RBFOX1: variants seen among roughly 807,000 people sequenced by gnomAD.
RBFOX1 encodes RNA binding fox-1 homolog 1.
In RBFOX1, 8 loss-of-function variants were observed where a neutral mutation model predicts 57.7. The ratio of observed to expected loss-of-function variants is 0.14; its 90% CI spans 0.08 to 0.25. The LOEUF (loss-of-function observed/expected upper bound fraction) is 0.25, where lower values mean the gene tolerates loss of function less well. RBFOX1 is among the 10% of genes least tolerant of loss of function. RBFOX1 has a pLI of 1.00. For missense variants in RBFOX1, 611 were observed against 548.5 expected (o/e 1.11, Z -1.14); for synonymous variants, 326 against 222.4 (o/e 1.47, Z -4.15).
chr16:7,115,673 G>A (rs1007937374), intron 4 of RBFOX1, among the ~76,000 whole-genome samples: 1 of 152,210 alleles, frequency 6.6e-6, no homozygotes, highest in African/African-American at 2.4e-5. Context: ...GAGAATGAAA[G>A]AGGGGACACC....
intron 2 of RBFOX1, among the ~76,000 whole-genome samples, chr16:6,347,324 G>T (rs2085537902): frequency 6.6e-6 from 1 of 152,102 alleles, no homozygotes; most frequent in South Asian, 2.1e-4. Flanking sequence ...CTCTTTACTG[G>T]GGGCTTCATG....
At chr16:5,308,478 C>G (rs1222825415) in intron 1 of RBFOX1, among the ~76,000 whole-genome samples, 1 of 152,164 alleles carries the variant, frequency 6.6e-6, no homozygotes, top group Non-Finnish European at 1.5e-5. Context: ...CTTGACTGAT[C>G]TGACTGATCA....
chr16:6,411,120 G>C (rs553657966), intron 2 of RBFOX1, among the ~76,000 whole-genome samples: 1 of 152,250 alleles, frequency 6.6e-6, no homozygotes, highest in Admixed American at 6.5e-5. Context: ...TGGGAATACA[G>C]GTGCAACCCA....
intron 3 of RBFOX1, chr16:6,705,249 C>CA (rs2062523391): frequency 6.6e-6 from 1 of 152,138 alleles, no homozygotes; most frequent in African/African-American, 2.4e-5. Context: ...ACTGCAACTC[C>CA]AGTGAGGTTA....
At chr16:7,405,122 C>G (rs2098316198) in intron 4 of RBFOX1, among the ~76,000 whole-genome samples, 1 of 152,198 alleles carries the variant, frequency 6.6e-6, no homozygotes, top group South Asian at 2.1e-4. Context: ...CTGGGCCCAT[C>G]CTAGAGAAAA....
At chr16:6,611,604 C>G (rs988390572) in intron 2 of RBFOX1, among the ~76,000 whole-genome samples, 1 of 152,196 alleles carries the variant, frequency 6.6e-6, no homozygotes, top group Non-Finnish European at 1.5e-5. Context: ...CCGTGTTCCG[C>G]TGTTCAAGGA....
chr16:7,086,221 G>T (rs754291284), intron 4 of RBFOX1, among the ~76,000 whole-genome samples: 2 of 152,040 alleles, frequency 1.3e-5, no homozygotes, highest in African/African-American at 4.8e-5. Context: ...AATTGTTTAG[G>T]TTGACATTTT....
intron 1 of RBFOX1, among the ~76,000 whole-genome samples, chr16:6,271,061 A>G (rs1004133892): frequency 2.0e-5 from 3 of 152,238 alleles, no homozygotes; most frequent in South Asian, 2.1e-4. Context: ...GGAAATTTAT[A>G]GCAATAAATG....
intron 3 of RBFOX1, among the ~76,000 whole-genome samples, chr16:6,660,095 C>G (rs2098691591): frequency 5.3e-5 from 8 of 151,748 alleles, no homozygotes; most frequent in Admixed American, 5.3e-4. Context: ...TGTGGTGGCA[C>G]ACGCCTGTAG....
intron 4 of RBFOX1, among the ~76,000 whole-genome samples, chr16:5,903,753 C>G (rs535177180): frequency 6.6e-6 from 1 of 152,150 alleles, no homozygotes; most frequent in Admixed American, 6.5e-5. Context: ...CAAACACTAC[C>G]TATGAGAGCT....
At chr16:7,224,856 A>C (rs2092992143) in intron 4 of RBFOX1, among the ~76,000 whole-genome samples, 1 of 152,264 alleles carries the variant, frequency 6.6e-6, no homozygotes. Context: ...CACCTACTGG[A>C]TCAGAATGTG....
intron 1 of RBFOX1, among the ~76,000 whole-genome samples, chr16:6,181,357 T>A (rs1172125650): frequency 1.3e-5 from 2 of 152,208 alleles, no homozygotes; most frequent in Non-Finnish European, 2.9e-5. Context: ...GTCCCACTGT[T>A]CTTGCCTAAA....
At chr16:6,353,921 C>T (rs1406755111) in intron 2 of RBFOX1, among the ~76,000 whole-genome samples, 1 of 152,072 alleles carries the variant, frequency 6.6e-6, no homozygotes, top group African/African-American at 2.4e-5. Flanking sequence ...CACCTTTAGT[C>T]TCCTTTTCTA....
chr16:7,089,353 G>A (rs188909035), intron 4 of RBFOX1, among the ~76,000 whole-genome samples: 19 of 152,134 alleles, frequency 1.2e-4, no homozygotes, highest in African/African-American at 4.1e-4. Flanking sequence ...TTTTGACAGT[G>A]GAGGTTGAAG....
intron 1 of RBFOX1, among the ~76,000 whole-genome samples, chr16:6,034,537 C>G (rs1257490835): frequency 6.6e-6 from 1 of 151,858 alleles, no homozygotes; most frequent in Non-Finnish European, 1.5e-5. Context: ...GCTGAAGAGT[C>G]TGACTAGTTC....
intron 4 of RBFOX1, among the ~76,000 whole-genome samples, chr16:7,506,494 A>G (rs766865083): frequency 3.0e-4 from 46 of 152,154 alleles, no homozygotes; most frequent in Non-Finnish European, 5.7e-4. Context: ...TAGAACAATA[A>G]TCAGTTCATA....
intron 3 of RBFOX1, among the ~76,000 whole-genome samples, chr16:5,673,920 C>T (rs1054777522): frequency 6.6e-6 from 1 of 152,202 alleles, no homozygotes; most frequent in African/African-American, 2.4e-5. Context: ...AGGCTGGTTA[C>T]AAAACCGAAA....
In RBFOX1 at chr16:6,704,591, C is replaced by T. The variant is rs1262898115; in HGVS notation, c.-16+49941C>T. On this transcript the variant is annotated intron_variant, in intron 3 of 15. Coordinates refer to ENST00000550418, the MANE Select transcript of RBFOX1 (RefSeq NM_018723.4). ...CTGTTTATAATATGGATGCTTTCTC[C>T]TTCACCTAGCTGGAGCCAAGAGGGG... 4 of 152,376 alleles carry T rather than the reference C, an allele frequency of 2.6e-5. 1 individual carries two copies. Among genetic ancestry groups the T allele is most frequent in the Non-Finnish European group, 5.9e-5 (4 of 68,122 alleles). The allele number at this position is 152,376 out of a possible 1,614,324, so 9.4% of individuals were successfully genotyped here.
At chr16:5,991,431 T>G (rs1203735079) in intron 4 of RBFOX1, among the ~76,000 whole-genome samples, 1 of 152,186 alleles carries the variant, frequency 6.6e-6, no homozygotes, top group East Asian at 1.9e-4. Context: ...TCATCGTCAC[T>G]GCAGCTTTGT....
Sources: allele counts gnomAD v4.1 joint callset (sites outside exome capture counted in the v4.1 genomes callset), GRCh38; gene constraint gnomAD v4.1.1; transcripts MANE v1.5; gene names NCBI Gene and HGNC (gene_info 2026-07-23, HGNC 2026-07-21).